USP15: variants seen among roughly 807,000 people sequenced by gnomAD.
USP15 encodes the protein ubiquitin carboxyl-terminal hydrolase 15.
A neutral mutation model predicts 127.1 loss-of-function variants in USP15; 18 were observed. The observed-to-expected ratio is 0.14, with a 90% CI of 0.10 to 0.21. The LOEUF is 0.21. USP15 is among the 10% of genes least tolerant of loss of function. The probability of loss-of-function intolerance (pLI) is 1.00; values close to 1 mark genes in which losing one functional copy is unlikely to be tolerated. For synonymous variants in USP15, 364 were observed against 393.7 expected, an observed-to-expected ratio of 0.92 and a Z score of 0.89; for missense variants, 805 against 1,159.9, an observed-to-expected ratio of 0.69 and a Z score of 4.44.
At chr12:62,399,815 G>T (rs2067622188) in intron 20 of USP15, among the ~76,000 whole-genome samples, 1 of 152,144 alleles carries the variant, frequency 6.6e-6, no homozygotes, top group Non-Finnish European at 1.5e-5. Flanking sequence ...GTGATTGGTT[G>T]GTTGGTTGGC....
intron 8 of USP15, among the ~76,000 whole-genome samples, chr12:62,356,638 T>G (rs1183005481): frequency 6.6e-6 from 1 of 151,986 alleles, no homozygotes; most frequent in African/African-American, 2.4e-5. Context: ...AATATATAGG[T>G]TAATAAACTC....
intron 6 of USP15, among the ~76,000 whole-genome samples, chr12:62,343,642 G>T (rs2065718422): frequency 6.6e-6 from 1 of 152,140 alleles, no homozygotes; most frequent in Non-Finnish European, 1.5e-5. Flanking sequence ...TCCCTTGGCT[G>T]GAGGAGGGAG....
intron 8 of USP15, among the ~76,000 whole-genome samples, chr12:62,362,168 C>T (rs1302314925): frequency 2.6e-5 from 4 of 152,038 alleles, no homozygotes; most frequent in East Asian, 1.9e-4. Context: ...TTATTCAGTA[C>T]ATTTTGAGAT....
At chr12:62,322,727 G>C (rs1001569011) in intron 5 of USP15, among the ~76,000 whole-genome samples, 2 of 151,960 alleles carry the variant, frequency 1.3e-5, no homozygotes, top group African/African-American at 4.8e-5. Flanking sequence ...AACTTTTCCT[G>C]GTTCCTTAAT....
rs531280724 is a variant in USP15 at position 62,329,711 on chromosome 12, A to T, written c.683+3778A>T. Among the ~76,000 whole-genome samples, 3 of 152,328 alleles carry T rather than the reference A, an allele frequency of 2.0e-5. No homozygotes were observed. The South Asian group carries it at 6.2e-4, about 32-fold the overall frequency. On this transcript the variant is annotated intron_variant, in intron 6 of 21. Transcript: ENST00000280377. ...TGAGAAGATAGACAAACTCACTAGT[A>T]ATCAGAAAAAAATGAAAGTAAATGA...
At chr12:62,385,410 A>G (rs192038541) in intron 11 of USP15, among the ~76,000 whole-genome samples, 3 of 152,116 alleles carry the variant, frequency 2.0e-5, no homozygotes, top group Admixed American at 1.3e-4. Context: ...TTTATTGTCA[A>G]CAAAGACAGG....
chr12:62,326,070 C>A, intron 6 of USP15, 137 bp downstream of exon 6: 2 of 684,956 alleles, frequency 2.9e-6, no homozygotes, highest in Non-Finnish European at 4.6e-6. Context: ...GTATTTTGTT[C>A]TTAGTATACA....
At chr12:62,297,534 A>G (rs1230435991) in intron 2 of USP15, among the ~76,000 whole-genome samples, 1 of 150,794 alleles carries the variant, frequency 6.6e-6, no homozygotes, top group African/African-American at 2.5e-5. Flanking sequence ...AAGATACCAG[A>G]AGGAGGAAGA....
At position 62,321,580 on chromosome 12, in the gene USP15, A is replaced by G; in HGVS notation, c.592A>G (p.Ile198Val). The G allele has an allele frequency of 1.3e-6, 2 of 1,599,000 alleles. No individual in the cohort carries two copies. Among genetic ancestry groups the G allele is most frequent in the South Asian group, 2.3e-5 (2 of 88,160 alleles). ...FEPLNKPDSTIQDAGLYQGQV... is the reference protein window; with the variant it reads ...FEPLNKPDSTVQDAGLYQGQV... ...ACCACTGAATAAACCAGACAGCACC[A>G]TTCAGGATGCTGGTTTATACCAAGG... The change falls in exon 5 of 22, where the codon ATT becomes GTT. Residue 198 changes from isoleucine to valine, a missense_variant. Coordinates refer to ENST00000280377, the MANE Select transcript of USP15 (RefSeq NM_001252078.2).
chr12:62,326,881 C>T (rs370349588), intron 6 of USP15, among the ~76,000 whole-genome samples: 1 of 152,096 alleles, frequency 6.6e-6, no homozygotes, highest in East Asian at 1.9e-4. Context: ...CCTGTAATCC[C>T]AGCACTTTGG....
At chr12:62,292,895 C>T (rs1008575510) in intron 1 of USP15, among the ~76,000 whole-genome samples, 2 of 152,188 alleles carry the variant, frequency 1.3e-5, no homozygotes, top group Non-Finnish European at 2.9e-5. Flanking sequence ...GCCACTGCTG[C>T]CTGCTGAGTG....
intron 8 of USP15, among the ~76,000 whole-genome samples, chr12:62,367,209 G>A (rs73136862): frequency 0.078 from 11,872 of 151,748 alleles, 589 homozygotes; most frequent in Middle Eastern, 0.16. Context: ...CCTTGATTTC[G>A]GAGTTGTTTT....
intron 2 of USP15, among the ~76,000 whole-genome samples, 164 bp from the exon 3 acceptor site, chr12:62,302,626 C>G (rs2064350706): frequency 6.6e-6 from 1 of 151,846 alleles, no homozygotes; most frequent in African/African-American, 2.4e-5. Context: ...CCAATACGGC[C>G]CAGAGAAACC....
chr12:62,364,223 C>T (rs192925435), intron 8 of USP15, among the ~76,000 whole-genome samples: 1 of 152,240 alleles, frequency 6.6e-6, no homozygotes, highest in African/African-American at 2.4e-5. Context: ...AAAGGGATTA[C>T]GGATGCAAGC....
chr12:62,321,283 T>C (rs1331674806), intron 4 of USP15, among the ~76,000 whole-genome samples, 181 bp from the exon 5 acceptor site: 1 of 152,216 alleles, frequency 6.6e-6, no homozygotes. Context: ...AATACCATTT[T>C]TTCCATAAAA....
intron 8 of USP15, among the ~76,000 whole-genome samples, chr12:62,377,337 T>TC (rs1316027729): frequency 6.6e-6 from 1 of 152,220 alleles, no homozygotes; most frequent in Non-Finnish European, 1.5e-5. Context: ...TCAAAAATGT[T>TC]CATGTTCTAA....
chr12:62,345,011 C>T (rs905620485), intron 6 of USP15, among the ~76,000 whole-genome samples: 2 of 152,234 alleles, frequency 1.3e-5, no homozygotes, highest in African/African-American at 4.8e-5. Flanking sequence ...AGACCTCTGA[C>T]ATGCCCTGGA....
chr12:62,298,852 A>G (rs2064214735), intron 2 of USP15, among the ~76,000 whole-genome samples: 1 of 150,968 alleles, frequency 6.6e-6, no homozygotes, highest in Non-Finnish European at 1.5e-5. Flanking sequence ...AAAAAAAAAA[A>G]AGAATGAGTG....
intron 2 of USP15, among the ~76,000 whole-genome samples, chr12:62,298,842 A>T: frequency 6.6e-6 from 1 of 151,476 alleles, no homozygotes; most frequent in South Asian, 2.1e-4. Flanking sequence ...AAAAAAAAAA[A>T]AAAAAAAAAA....
Sources: gnomAD v4.1 joint callset for allele counts (sites outside exome capture counted in the v4.1 genomes callset) on GRCh38, gnomAD v4.1.1 for gene constraint, MANE v1.5 for transcripts, NCBI Gene and HGNC (gene_info 2026-07-23, HGNC 2026-07-21) for gene names.